The following PIAS1 variants were observed in gnomAD, a reference collection of about 807,000 sequenced individuals.
PIAS1 encodes the protein E3 SUMO-protein ligase PIAS1.
Under a neutral mutation model 71.3 loss-of-function variants are expected in PIAS1, and 6 were observed. The ratio of observed to expected loss-of-function variants is 0.08; its 90% CI spans 0.05 to 0.17. PIAS1 has a LOEUF of 0.17. Ranked by LOEUF, PIAS1 falls within the 10% of genes least tolerant of loss-of-function variation. The probability of loss-of-function intolerance (pLI) is 1.00; values close to 1 mark genes in which losing one functional copy is unlikely to be tolerated. For synonymous variants in PIAS1, 303 were observed against 292.9 expected, an observed-to-expected ratio of 1.03 and a Z score of -0.35; for missense variants, 555 against 793.6, an observed-to-expected ratio of 0.70 and a Z score of 3.61.
chr15:68,055,060 C>T (rs1229798870), intron 1 of PIAS1: 2 of 229,390 alleles, frequency 8.7e-6, no homozygotes, highest in African/African-American at 4.7e-5. Flanking sequence ...CTCTCTGATT[C>T]CGGGCAGCCG....
At chr15:68,106,671 T>C (rs1038368093) in intron 2 of PIAS1, among the ~76,000 whole-genome samples, 1 of 152,120 alleles carries the variant, frequency 6.6e-6, no homozygotes, top group African/African-American at 2.4e-5. Context: ...GACATGCCTC[T>C]TCTTATACCC....
chr15:68,080,503 A>G lies in PIAS1; in HGVS notation c.25-5803A>G, dbSNP rs547137094. On this transcript the variant is annotated intron_variant, in intron 1 of 13. Coordinates refer to ENST00000249636, the MANE Select transcript of PIAS1 (RefSeq NM_016166.3). ...AAGATTATGGAGAAGTATGTAACCA[A>G]CCTGATTTGCTGCTTTGAATAGAAA... 1.5e-3 allele frequency among the ~76,000 whole-genome samples: 228 copies of G among 152,280 alleles called. 4 individuals carry two copies. The highest frequency in any genetic ancestry group is 5.2e-3 in the African/African-American group (217 of 41,556).
intron 2 of PIAS1, among the ~76,000 whole-genome samples, chr15:68,105,711 C>T (rs2092462504): frequency 6.6e-6 from 1 of 152,144 alleles, no homozygotes; most frequent in African/African-American, 2.4e-5. Context: ...GTGGTGCACA[C>T]CTGTAGTCCC....
Position 68,171,627 on chromosome 15 carries a change from A to C in PIAS1, c.1009-2105A>C, listed in dbSNP as rs1179604654. 1.3e-5 allele frequency among the ~76,000 whole-genome samples: 2 copies of C among 152,176 alleles called. No homozygotes were observed. Among genetic ancestry groups the C allele is most frequent in the Non-Finnish European group, 2.9e-5 (2 of 68,042 alleles). ...GTCTCAGTAAGTTTATAGCATGTTC[A>C]GTGTTCTATTTTTATTCATCATGGC... On this transcript the variant is annotated intron_variant, in intron 8 of 13. Transcript: ENST00000249636. The surrounding 1 kb of genome is among the most constrained non-coding windows in gnomAD (Gnocchi z 4.4).
intron 1 of PIAS1, among the ~76,000 whole-genome samples, chr15:68,066,173 G>T (rs963090798): frequency 2.0e-5 from 3 of 151,854 alleles, no homozygotes; most frequent in African/African-American, 7.3e-5. Context: ...AGGTTGGAGT[G>T]CAGTGACATG....
Position 68,193,561 on chromosome 15 carries a change from G to T in PIAS1, c.*5726G>T, listed in dbSNP as rs76665743. ...GAAAATCTTGGAAATATGGAAGATG[G>T]TTCTAGCCCCCAAATACAGAATAAG... On this transcript the variant is annotated 3_prime_UTR_variant, in exon 14 of 14. Coordinates refer to ENST00000249636, the MANE Select transcript of PIAS1 (RefSeq NM_016166.3). The T allele has an allele frequency of 5.8e-3, 901 of 154,578 alleles. 10 individuals are homozygous for T. The highest frequency in any genetic ancestry group is 0.021 in the African/African-American group (855 of 41,632). The allele number at this position is 154,578 out of a possible 1,614,324, so 9.6% of individuals were successfully genotyped here. A position where few individuals can be genotyped will look rare whatever the true frequency, so the allele number is the denominator to read the frequency against.
At chr15:68,110,053 G>C (rs1280065649) in intron 2 of PIAS1, among the ~76,000 whole-genome samples, 1 of 152,100 alleles carries the variant, frequency 6.6e-6, no homozygotes, top group Non-Finnish European at 1.5e-5. Flanking sequence ...TATATTTTAT[G>C]CATCAGTTTC....
chr15:68,116,243 G>T (rs189781438), intron 2 of PIAS1, among the ~76,000 whole-genome samples: 120 of 151,758 alleles, frequency 7.9e-4, no homozygotes, highest in African/African-American at 2.8e-3. Context: ...TTTTCTTTCA[G>T]AGAAGTTATC....
At chr15:68,085,913 A>G (rs2140981557) in intron 1 of PIAS1, among the ~76,000 whole-genome samples, 1 of 152,322 alleles carries the variant, frequency 6.6e-6, no homozygotes, top group Non-Finnish European at 1.5e-5. Context: ...TCCCCAAGAA[A>G]ACAAAATATT....
At chr15:68,166,933 C>T (rs1284905843) in intron 8 of PIAS1, among the ~76,000 whole-genome samples, 1 of 152,182 alleles carries the variant, frequency 6.6e-6, no homozygotes, top group Admixed American at 6.5e-5. Context: ...TCATGCAGTG[C>T]TCCTGCTTCA....
intron 2 of PIAS1, among the ~76,000 whole-genome samples, chr15:68,120,328 A>T (rs144949542): frequency 6.6e-6 from 1 of 151,654 alleles, no homozygotes; most frequent in Non-Finnish European, 1.5e-5. Context: ...ATTTTATGCT[A>T]TTGTTGATAT....
intron 2 of PIAS1, among the ~76,000 whole-genome samples, chr15:68,109,130 G>C (rs1262256065): frequency 6.6e-6 from 1 of 152,128 alleles, no homozygotes; most frequent in African/African-American, 2.4e-5. Flanking sequence ...CTCAGATACT[G>C]TGTATGCTCT....
chr15:68,103,315 T>C (rs1048577806), intron 2 of PIAS1, among the ~76,000 whole-genome samples: 4 of 127,310 alleles, frequency 3.1e-5, no homozygotes, highest in African/African-American at 1.2e-4. Context: ...GAATCTACCA[T>C]GTTTTGTATT....
Position 68,189,672 on chromosome 15 carries a change from GTGTT to G in PIAS1, c.*1840_*1843del, listed in dbSNP as rs1413834584. On this transcript the variant is annotated 3_prime_UTR_variant, in exon 14 of 14. Transcript: ENST00000249636. ...TGTATATATGTATTTATAAACAAGT[GTGTT>G]TGAGTAACAAGTGAGTTTCATAGTC... 6.6e-6 allele frequency: 1 copy of G among 152,002 alleles called. No individual in the cohort carries two copies. The highest frequency in any genetic ancestry group is 1.5e-5 in the Non-Finnish European group (1 of 67,980). 9.4% of individuals were successfully genotyped at this position (152,002 alleles called of 1,614,324 possible). A position where few individuals can be genotyped will look rare whatever the true frequency, so the allele number is the denominator to read the frequency against.
Position 68,146,632 on chromosome 15 carries a change from T to G in PIAS1, c.760T>G (p.Ser254Ala). ...KRPSRPINITSLVRLSTTVPN... is the reference protein window; with the variant it reads ...KRPSRPINITALVRLSTTVPN... ...ACCCAGCCGACCAATTAATATCACCTCACTTGTCCGACTGTCCACAACAGT... is the reference window on the plus strand; with the variant it reads ...ACCCAGCCGACCAATTAATATCACCGCACTTGTCCGACTGTCCACAACAGT... Residue 254 changes from serine (S) to alanine (A), a missense_variant, in exon 6 of 14, where the codon TCA (serine) becomes GCA (alanine). By Grantham distance (99) the Ser-to-Ala change is moderately conservative. This residue lies in a region of PIAS1 where 134 missense variants were observed against 203.4 expected (regional missense o/e 0.66). Transcript: ENST00000249636. 2 of 1,613,298 alleles carry G rather than the reference T, an allele frequency of 1.2e-6. No individual in the cohort carries two copies. The highest frequency in any genetic ancestry group is 1.6e-4 in the Middle Eastern group (1 of 6,062).
chr15:68,137,823 G>C (rs186136409), intron 2 of PIAS1, among the ~76,000 whole-genome samples: 120 of 152,248 alleles, frequency 7.9e-4, no homozygotes, highest in African/African-American at 2.8e-3. Flanking sequence ...AATCAACTTA[G>C]AAGCAACCTT....
intron 2 of PIAS1, among the ~76,000 whole-genome samples, chr15:68,115,397 G>A (rs1288455431): frequency 2.0e-5 from 3 of 151,926 alleles, no homozygotes; most frequent in Admixed American, 6.6e-5. Context: ...ATGGAAATAC[G>A]ACTGGTTTTT....
intron 2 of PIAS1, among the ~76,000 whole-genome samples, chr15:68,094,294 A>G (rs1198302678): frequency 2.0e-5 from 3 of 151,858 alleles, no homozygotes; most frequent in Admixed American, 6.6e-5. Context: ...TTTCCTATTT[A>G]AAGTAGAATA....
intron 2 of PIAS1, among the ~76,000 whole-genome samples, chr15:68,110,122 A>T (rs2092509368): frequency 6.6e-6 from 1 of 152,192 alleles, no homozygotes; most frequent in Non-Finnish European, 1.5e-5. Context: ...GTATATTCTC[A>T]TGCAGCTCAC....
Sources: gnomAD v4.1 joint callset for allele counts (sites outside exome capture counted in the v4.1 genomes callset) on GRCh38, gnomAD v4.1.1 for gene constraint, gnomAD v4.1.1 regional missense constraint, Gnocchi (gnomAD v3.1) non-coding constraint, MANE v1.5 for transcripts, NCBI Gene and HGNC (gene_info 2026-07-23, HGNC 2026-07-21) for gene names.